Variants in SCAMP1 observed in about 807,000 individuals in gnomAD.
The protein encoded by SCAMP1 is secretory carrier membrane protein 1.
A neutral mutation model predicts 41.8 loss-of-function variants in SCAMP1; 15 were observed. The observed-to-expected ratio is 0.36, with a 90% CI of 0.24 to 0.55. SCAMP1 has a LOEUF of 0.55. SCAMP1 is among the 20% of genes least tolerant of loss of function. The probability of loss-of-function intolerance (pLI) is 0.86; values close to 1 mark genes in which losing one functional copy is unlikely to be tolerated. For synonymous variants in SCAMP1, 135 were observed against 136.8 expected (o/e 0.99, Z 0.09); for missense variants, 341 against 412.6 (o/e 0.83, Z 1.50).
At chr5:78,469,947 A>G (rs1415934672) in intron 8 of SCAMP1, among the ~76,000 whole-genome samples, 1 of 122,958 alleles carries the variant, frequency 8.1e-6, no homozygotes, top group Non-Finnish European at 1.6e-5. Context: ...AACACAGCCC[A>G]GGCATGGTGG....
intron 2 of SCAMP1, among the ~76,000 whole-genome samples, chr5:78,405,841 C>G (rs1045145983): frequency 3.9e-5 from 6 of 152,268 alleles, no homozygotes; most frequent in Middle Eastern, 3.4e-3. Context: ...TTTCTTCTTT[C>G]CTATTACACA....
intron 8 of SCAMP1, among the ~76,000 whole-genome samples, chr5:78,460,334 G>A (rs1291430262): frequency 6.6e-6 from 1 of 152,156 alleles, no homozygotes; most frequent in African/African-American, 2.4e-5. Context: ...TCTCCATACT[G>A]TTTTCCACAG....
At chr5:78,471,507 T>C (rs969316326) in intron 8 of SCAMP1, among the ~76,000 whole-genome samples, 1 of 152,188 alleles carries the variant, frequency 6.6e-6, no homozygotes, top group East Asian at 1.9e-4. Flanking sequence ...CCAGCTTTTA[T>C]AAAAGTTGAA....
At chr5:78,382,818 T>C (rs62362601) in intron 1 of SCAMP1, among the ~76,000 whole-genome samples, 37,380 of 90,408 alleles carry the variant, frequency 0.41, 5,063 homozygotes, top group East Asian at 0.6. Context: ...TGTGTGTGTG[T>C]GCGCCACATT....
rs565848201 is a variant in SCAMP1 at position 78,383,106 on chromosome 5, A to T, written c.58-5731A>T. Among the ~76,000 whole-genome samples, 19 of 152,142 alleles carry T rather than the reference A, an allele frequency of 1.2e-4. No homozygotes were observed. The East Asian group carries it at 3.5e-3, about 28-fold the overall frequency. On this transcript the variant is annotated intron_variant, in intron 1 of 8. Coordinates refer to ENST00000621999, the MANE Select transcript of SCAMP1 (RefSeq NM_004866.6). ...CCCTTTTTACCACATCCACACAAAT[A>T]TCTATTATTTTTTGATTATGGCTGT...
rs1044499270 is a variant in SCAMP1, at chr5:78,366,236, T to A, written c.57+5508T>A. On this transcript the variant is annotated intron_variant, in intron 1 of 8. Coordinates refer to ENST00000621999, the MANE Select transcript of SCAMP1 (RefSeq NM_004866.6). ...TCGGCTCACTGCAACCTCCATCTCC[T>A]GGGTTCAAGCGATTCCCCTACCTCA... 2.0e-5 allele frequency among the ~76,000 whole-genome samples: 3 copies of A among 150,782 alleles called. No homozygotes were observed. In the Admixed American group the frequency reaches 2.0e-4, roughly 10 times the overall value.
At chr5:78,429,107 A>C (rs1255011441) in intron 6 of SCAMP1, among the ~76,000 whole-genome samples, 1 of 152,076 alleles carries the variant, frequency 6.6e-6, no homozygotes, top group African/African-American at 2.4e-5. Flanking sequence ...TATTCCTTCC[A>C]AAGTAGTTAT....
intron 1 of SCAMP1, among the ~76,000 whole-genome samples, chr5:78,363,371 G>A (rs1167867663): frequency 1.3e-5 from 2 of 151,316 alleles, no homozygotes; most frequent in African/African-American, 4.9e-5. Flanking sequence ...CGCCACCACC[G>A]GCTGATTTTT....
At chr5:78,366,860 C>T (rs1750808177) in intron 1 of SCAMP1, among the ~76,000 whole-genome samples, 2 of 149,850 alleles carry the variant, frequency 1.3e-5, no homozygotes, top group Admixed American at 1.3e-4. Flanking sequence ...GTGGTGCACA[C>T]CTGTAATCTA....
intron 7 of SCAMP1, among the ~76,000 whole-genome samples, chr5:78,454,593 T>C (rs1242113473): frequency 1.3e-5 from 2 of 152,168 alleles, no homozygotes; most frequent in Non-Finnish European, 2.9e-5. Context: ...GCCAGTATTT[T>C]ATTGAGGATT....
chr5:78,388,031 C>G (rs570517355), intron 1 of SCAMP1, among the ~76,000 whole-genome samples: 15 of 152,214 alleles, frequency 9.9e-5, no homozygotes, highest in African/African-American at 3.6e-4. Context: ...CGGCGTTCCT[C>G]GGCTGTCCCA....
rs1324105266 is a variant in SCAMP1 at position 78,476,810 on chromosome 5, A to G, written c.*1142A>G. 6.6e-6 allele frequency: 1 copy of G among 152,582 alleles called. No homozygotes were observed. The highest frequency in any genetic ancestry group is 1.5e-5 in the Non-Finnish European group (1 of 67,996). 9.5% of individuals were successfully genotyped at this position (152,582 alleles called of 1,614,324 possible). A position where few individuals can be genotyped will look rare whatever the true frequency, so the allele number is the denominator to read the frequency against. ...TATCTAAAATTTCCAGCAATAAAAA[A>G]AAAAGCATTTAACTTGCACCAAGCA... On this transcript the variant is annotated 3_prime_UTR_variant, in exon 9 of 9. Coordinates refer to ENST00000621999, the MANE Select transcript of SCAMP1 (RefSeq NM_004866.6).
rs1026335722 is a variant in SCAMP1 at position 78,480,670 on chromosome 5, G to A, written c.*5002G>A. Among the ~76,000 whole-genome samples, 72 of 152,202 alleles carry A rather than the reference G, an allele frequency of 4.7e-4. No individual in the cohort carries two copies. Among genetic ancestry groups the A allele is most frequent in the African/African-American group, 1.7e-3 (70 of 41,538 alleles). On this transcript the variant is annotated 3_prime_UTR_variant, in exon 9 of 9. Transcript: ENST00000621999. ...TTCTAGTATAAAAGCAATACATAAT[G>A]TGTTGTAGAACAATTAAAAATTCAG...
chr5:78,385,960 G>T (rs2112079805), intron 1 of SCAMP1, among the ~76,000 whole-genome samples: 2 of 152,222 alleles, frequency 1.3e-5, no homozygotes, highest in South Asian at 4.1e-4. Context: ...GTAAATATTT[G>T]TTAAGTCTGG....
chr5:78,363,743 A>T (rs1750723108), intron 1 of SCAMP1, among the ~76,000 whole-genome samples: 1 of 152,096 alleles, frequency 6.6e-6, no homozygotes, highest in African/African-American at 2.4e-5. Context: ...TATTCTCCTT[A>T]TATAATATAA....
chr5:78,402,785 A>G (rs1209268162), intron 2 of SCAMP1, among the ~76,000 whole-genome samples: 1 of 151,230 alleles, frequency 6.6e-6, no homozygotes, highest in East Asian at 1.9e-4. Context: ...GTTCAAAGTG[A>G]TTATTGATTT....
chr5:78,363,041 C>T (rs572876465), intron 1 of SCAMP1, among the ~76,000 whole-genome samples: 4 of 151,510 alleles, frequency 2.6e-5, no homozygotes, highest in Admixed American at 6.6e-5. Flanking sequence ...TACAGGTGCC[C>T]GCCACCACAC....
intron 1 of SCAMP1, among the ~76,000 whole-genome samples, chr5:78,368,293 G>A (rs1750848959): frequency 6.6e-6 from 1 of 152,196 alleles, no homozygotes; most frequent in African/African-American, 2.4e-5. Context: ...GGAGGCTGCT[G>A]TGCCACGTGA....
chr5:78,434,682 C>T (rs1422004545), intron 6 of SCAMP1, among the ~76,000 whole-genome samples: 1 of 151,946 alleles, frequency 6.6e-6, no homozygotes, highest in Non-Finnish European at 1.5e-5. Flanking sequence ...TAAAGGTAAA[C>T]CTGTTTGTGA....
Sources: gnomAD v4.1 joint callset for allele counts (sites outside exome capture counted in the v4.1 genomes callset) on GRCh38, gnomAD v4.1.1 for gene constraint, MANE v1.5 for transcripts, NCBI Gene and HGNC (gene_info 2026-07-23, HGNC 2026-07-21) for gene names.